Variants in CTNNA2 observed in about 807,000 individuals in gnomAD.
The protein encoded by CTNNA2 is catenin alpha-2.
In CTNNA2, 42 loss-of-function variants were observed where a neutral mutation model predicts 101.0. The ratio of observed to expected loss-of-function variants is 0.42; its 90% CI spans 0.32 to 0.54. The LOEUF is 0.54. Ranked by LOEUF, CTNNA2 falls within the 20% of genes least tolerant of loss-of-function variation. The pLI is 0.14. For missense variants in CTNNA2, 871 were observed against 1,223.1 expected (o/e 0.71, Z 4.29); for synonymous variants, 450 against 456.4 (o/e 0.99, Z 0.18).
intron 7 of CTNNA2, among the ~76,000 whole-genome samples, chr2:80,267,148 G>A (rs141587386): frequency 3.4e-4 from 51 of 152,136 alleles, no homozygotes; most frequent in African/African-American, 1.2e-3. Context: ...CACATTCATG[G>A]ACTGCTCCTT....
At chr2:79,751,052 A>G (rs1437227830) in intron 3 of CTNNA2, among the ~76,000 whole-genome samples, 10 of 152,156 alleles carry the variant, frequency 6.6e-5, no homozygotes, top group Non-Finnish European at 1.5e-4. Flanking sequence ...GGGCAGTTAA[A>G]TATTTCAGGA....
chr2:79,558,058 A>G (rs1296052222), intron 1 of CTNNA2, among the ~76,000 whole-genome samples: 2 of 151,992 alleles, frequency 1.3e-5, no homozygotes, highest in African/African-American at 2.4e-5. Flanking sequence ...AGACACTTCC[A>G]TGTTTTAGAC....
chr2:79,869,279 A>C (rs996146114), intron 4 of CTNNA2, among the ~76,000 whole-genome samples: 1 of 152,196 alleles, frequency 6.6e-6, no homozygotes, highest in Non-Finnish European at 1.5e-5. Context: ...GCTTTCAAGG[A>C]ATCAATATTT....
At chr2:80,061,598 C>T (rs1226405393) in intron 7 of CTNNA2, among the ~76,000 whole-genome samples, 1 of 152,182 alleles carries the variant, frequency 6.6e-6, no homozygotes, top group East Asian at 1.9e-4. Context: ...ATTCTCTGTG[C>T]TATGTTCCAA....
intron 1 of CTNNA2, among the ~76,000 whole-genome samples, chr2:79,531,208 A>ATG (rs1485063542): frequency 3.8e-4 from 26 of 68,500 alleles, no homozygotes; most frequent in Non-Finnish European, 6.1e-4. Flanking sequence ...ATATATATAT[A>ATG]TATATATATA....
intron 4 of CTNNA2, among the ~76,000 whole-genome samples, chr2:79,444,147 G>T (rs1002845234): frequency 6.6e-6 from 1 of 151,986 alleles, no homozygotes; most frequent in African/African-American, 2.4e-5. Flanking sequence ...TTTGCAGCCT[G>T]GTGAGAGATC....
At chr2:79,241,452 T>A (rs1043692886) in intron 2 of CTNNA2, among the ~76,000 whole-genome samples, 2 of 152,048 alleles carry the variant, frequency 1.3e-5, no homozygotes, top group Admixed American at 1.3e-4. Context: ...GAGAGAAGCA[T>A]TAAGTCAGTA....
At chr2:79,590,462 T>A (rs1431988373) in intron 1 of CTNNA2, among the ~76,000 whole-genome samples, 1 of 152,196 alleles carries the variant, frequency 6.6e-6, no homozygotes, top group African/African-American at 2.4e-5. Flanking sequence ...GGGGAGATGA[T>A]TATGATAAAG....
chr2:79,199,589 G>T (rs1437612785), intron 2 of CTNNA2, among the ~76,000 whole-genome samples: 5 of 151,970 alleles, frequency 3.3e-5, no homozygotes, highest in African/African-American at 9.7e-5. Flanking sequence ...ATTTTGTGGC[G>T]TTGGACTGAC....
chr2:80,470,567 A>C (rs1415337470), intron 9 of CTNNA2, among the ~76,000 whole-genome samples: 1 of 152,108 alleles, frequency 6.6e-6, no homozygotes, highest in Non-Finnish European at 1.5e-5. Context: ...ACTGGACTGA[A>C]CTTGCCAATG....
At chr2:79,995,504 T>C (rs987694304) in intron 7 of CTNNA2, among the ~76,000 whole-genome samples, 2 of 152,022 alleles carry the variant, frequency 1.3e-5, no homozygotes, top group African/African-American at 4.8e-5. Context: ...TAATCCAAAG[T>C]GAGTCATAAG....
chr2:79,967,021 C>G (rs1690115482), intron 7 of CTNNA2, among the ~76,000 whole-genome samples: 1 of 151,966 alleles, frequency 6.6e-6, no homozygotes, highest in African/African-American at 2.4e-5. Flanking sequence ...GTTTCCAAGG[C>G]TGTAAATTCC....
chr2:80,042,448 C>G (rs750167128), intron 7 of CTNNA2, among the ~76,000 whole-genome samples: 56 of 152,218 alleles, frequency 3.7e-4, no homozygotes, highest in South Asian at 8.3e-4. Context: ...ATTAACTTAT[C>G]CTAAAGAAAC....
At chr2:79,642,785 T>G (rs1323176774) in intron 1 of CTNNA2, among the ~76,000 whole-genome samples, 8 of 151,900 alleles carry the variant, frequency 5.3e-5, no homozygotes, top group Non-Finnish European at 1.0e-4. Context: ...CCTGTTTTTT[T>G]TTTTTCCCTC....
chr2:80,231,258 A>C (rs1322492817), intron 7 of CTNNA2, among the ~76,000 whole-genome samples: 2 of 152,092 alleles, frequency 1.3e-5, no homozygotes, highest in African/African-American at 4.8e-5. Context: ...GAGTATTATG[A>C]TTACAGGTGT....
intron 4 of CTNNA2, 29 bp downstream of exon 4, chr2:79,858,208 C>G (rs1236279641): frequency 1.3e-6 from 2 of 1,574,626 alleles, no homozygotes; most frequent in Non-Finnish European, 1.7e-6. Flanking sequence ...TCAAAACTTT[C>G]TTTATGTGAG....
intron 11 of CTNNA2, among the ~76,000 whole-genome samples, chr2:80,548,205 C>A (rs1473787881): frequency 6.6e-6 from 1 of 152,064 alleles, no homozygotes; most frequent in East Asian, 1.9e-4. Context: ...CTATGGTGCT[C>A]CAAATAGGAG....
intron 9 of CTNNA2, among the ~76,000 whole-genome samples, chr2:80,483,759 T>A (rs929502236): frequency 2.0e-5 from 3 of 152,144 alleles, no homozygotes; most frequent in Non-Finnish European, 4.4e-5. Flanking sequence ...AAATAGGAAA[T>A]TCTGTGATTT....
In CTNNA2 at chr2:79,291,799, G is replaced by A. The variant is rs541733032; in HGVS notation, c.-405-20910G>A. The stretch of plus-strand genomic sequence containing the variant: ...TAGGGAGGATCTGGCTGGTTCATGT[G>A]TCAGTTGTATTTATTTTTATTTATT... On this transcript the variant is annotated intron_variant, in intron 2 of 21. Transcript: ENST00000466387. Among the ~76,000 whole-genome samples the A allele has an allele frequency of 3.3e-5, 5 of 152,278 alleles. No homozygotes were observed. The South Asian group carries it at 1.0e-3, about 32-fold the overall frequency.
Sources: gnomAD v4.1 joint callset for allele counts (sites outside exome capture counted in the v4.1 genomes callset) on GRCh38, gnomAD v4.1.1 for gene constraint, MANE v1.5 for transcripts, NCBI Gene and HGNC (gene_info 2026-07-23, HGNC 2026-07-21) for gene names.